The following PHACTR1 variants were observed in gnomAD, a reference collection of about 807,000 sequenced individuals.
PHACTR1 encodes phosphatase and actin regulator 1, also known as RPEL repeat containing 1.
A neutral mutation model predicts 69.2 loss-of-function variants in PHACTR1; 16 were observed. The observed-to-expected ratio is 0.23, with a 90% confidence interval of 0.16 to 0.35. The LOEUF (loss-of-function observed/expected upper bound fraction) is 0.35. Among genes scored for constraint, PHACTR1 ranks in the 10% least tolerant of loss-of-function variants. The pLI, the probability that PHACTR1 is intolerant of heterozygous loss-of-function variation, is 1.00. For missense variants in PHACTR1, 510 were observed against 734.7 expected (o/e 0.69, Z 3.54); for synonymous variants, 312 against 284.5 (o/e 1.10, Z -0.97).
chr6:13,243,538 T>G (rs1773153617), intron 10 of PHACTR1, among the ~76,000 whole-genome samples: 3 of 152,160 alleles, frequency 2.0e-5, no homozygotes, highest in Admixed American at 2.0e-4. Context: ...TGTCACTGTG[T>G]GGACCTTGGG....
At chr6:13,153,025 A>G (rs557461573) in intron 5 of PHACTR1, among the ~76,000 whole-genome samples, 1 of 152,256 alleles carries the variant, frequency 6.6e-6, no homozygotes, top group African/African-American at 2.4e-5. Flanking sequence ...CTGGGAATGT[A>G]CTAGCTCATT....
At chr6:12,796,446 T>C (rs888283687) in intron 4 of PHACTR1, among the ~76,000 whole-genome samples, 2 of 152,230 alleles carry the variant, frequency 1.3e-5, no homozygotes, top group Non-Finnish European at 2.9e-5. Flanking sequence ...ATCAGCATAG[T>C]AATGCTATGC....
At chr6:12,930,291 C>A (rs1399933941) in intron 4 of PHACTR1, among the ~76,000 whole-genome samples, 1 of 152,150 alleles carries the variant, frequency 6.6e-6, no homozygotes, top group Non-Finnish European at 1.5e-5. Context: ...GCAGTCCTCC[C>A]ACCTTGGCCT....
intron 5 of PHACTR1, among the ~76,000 whole-genome samples, chr6:13,117,184 T>G (rs1817944582): frequency 6.6e-6 from 1 of 152,208 alleles, no homozygotes; most frequent in South Asian, 2.1e-4. Flanking sequence ...TTTTCCCCAG[T>G]CTCTTGGATT....
chr6:13,277,512 G>A (rs982846196), intron 11 of PHACTR1, among the ~76,000 whole-genome samples: 2 of 152,144 alleles, frequency 1.3e-5, no homozygotes, highest in Non-Finnish European at 2.9e-5. Context: ...CACCCACAGG[G>A]CACCAGACAC....
chr6:12,729,598 T>G (rs1313742650), intron 3 of PHACTR1, among the ~76,000 whole-genome samples: 2 of 152,116 alleles, frequency 1.3e-5, no homozygotes, highest in African/African-American at 4.8e-5. Flanking sequence ...TCATGGCACG[T>G]GAGGCTGTGC....
At chr6:12,946,357 G>A (rs988593371) in intron 4 of PHACTR1, among the ~76,000 whole-genome samples, 4 of 152,130 alleles carry the variant, frequency 2.6e-5, no homozygotes, top group African/African-American at 9.7e-5. Context: ...CTTTGAGAAA[G>A]GGTGTCATGT....
intron 4 of PHACTR1, among the ~76,000 whole-genome samples, chr6:12,942,488 AC>A (rs1284467501): frequency 3.3e-5 from 5 of 152,160 alleles, no homozygotes; most frequent in African/African-American, 4.8e-5. Context: ...TAGGAGTCAA[AC>A]AACTAGTTTA....
chr6:12,730,893 G>A lies in PHACTR1; in HGVS notation c.103+12046G>A, dbSNP rs569453473. ...AGTTTGGTAAGGATAATGGCCTCTA[G>A]CTCCATCTATGTCCTTGCAAAGGAC... On this transcript the variant is annotated intron_variant, in intron 3 of 14. Transcript: ENST00000332995. 3.3e-5 allele frequency among the ~76,000 whole-genome samples: 5 copies of A among 152,164 alleles called. No homozygotes were observed. In the South Asian group the frequency reaches 1.0e-3, roughly 32 times the overall value.
chr6:12,957,370 C>A (rs944312276), intron 4 of PHACTR1: 1 of 985,278 alleles, frequency 1.0e-6, no homozygotes. Context: ...CAGAAGACTC[C>A]CAGAGATTGG....
At chr6:13,223,882 T>A (rs1769102226) in intron 8 of PHACTR1, among the ~76,000 whole-genome samples, 1 of 152,136 alleles carries the variant, frequency 6.6e-6, no homozygotes, top group African/African-American at 2.4e-5. Flanking sequence ...ACTCTTTCAG[T>A]TATTCATTGA....
chr6:13,215,271 T>G (rs1767495784), intron 8 of PHACTR1, among the ~76,000 whole-genome samples: 1 of 152,194 alleles, frequency 6.6e-6, no homozygotes, highest in Non-Finnish European at 1.5e-5. Flanking sequence ...GCTGGGAGTA[T>G]AGACTGGACA....
At chr6:12,975,272 T>G (rs1037299223) in intron 4 of PHACTR1, among the ~76,000 whole-genome samples, 4 of 152,212 alleles carry the variant, frequency 2.6e-5, no homozygotes, top group African/African-American at 9.6e-5. Flanking sequence ...ACATGCTATC[T>G]CCATGATGGA....
rs1761849277 is a variant in PHACTR1 at position 13,179,380 on chromosome 6, T to C, written c.497-3139T>C. ...TAATTCCTTAGCTTAATGATGGGTA[T>C]ATACAGCCCATTACATTAATGTTTC... On this transcript the variant is annotated intron_variant, in intron 6 of 14. Coordinates refer to ENST00000332995, the MANE Select transcript of PHACTR1 (RefSeq NM_030948.6). The surrounding 1 kb of genome is among the most constrained non-coding windows in gnomAD (Gnocchi z 4.2). Among the ~76,000 whole-genome samples the C allele has an allele frequency of 6.6e-6, 1 of 151,322 alleles. No homozygotes were observed. Among genetic ancestry groups the C allele is most frequent in the South Asian group, 2.1e-4 (1 of 4,796 alleles).
At chr6:13,280,969 G>A in intron 12 of PHACTR1, 1 of 1,289,302 alleles carries the variant, frequency 7.8e-7, no homozygotes, top group South Asian at 1.2e-5. Context: ...GTTAGTGCTG[G>A]GGTCCGTGCA....
chr6:13,211,766 G>A (rs4715159), intron 8 of PHACTR1, among the ~76,000 whole-genome samples: 17,333 of 152,064 alleles, frequency 0.11, 1,367 homozygotes, highest in Admixed American at 0.24. Flanking sequence ...AGCCTCAGTC[G>A]GCCTTGCCTG....
At chr6:13,112,042 C>T (rs1474382677) in intron 5 of PHACTR1, among the ~76,000 whole-genome samples, 2 of 152,138 alleles carry the variant, frequency 1.3e-5, no homozygotes, top group Non-Finnish European at 2.9e-5. Flanking sequence ...CTTCACCCTC[C>T]ATTAGGCCCC....
chr6:13,160,371 T>A (rs1758814422), intron 6 of PHACTR1, 87 bp downstream of exon 6: 1 of 1,146,706 alleles, frequency 8.7e-7, no homozygotes, highest in African/African-American at 1.5e-5. Context: ...TTTCATTTTC[T>A]GCATCACCAG....
chr6:13,124,609 C>G (rs1332618411), intron 5 of PHACTR1, among the ~76,000 whole-genome samples: 1 of 152,142 alleles, frequency 6.6e-6, no homozygotes, highest in East Asian at 1.9e-4. Flanking sequence ...AGACACAAAC[C>G]CATGTTTGTT....
Sources: allele counts gnomAD v4.1 joint callset (sites outside exome capture counted in the v4.1 genomes callset), GRCh38; gene constraint gnomAD v4.1.1; non-coding constraint Gnocchi (gnomAD v3.1); transcripts MANE v1.5; gene names NCBI Gene and HGNC (gene_info 2026-07-23, HGNC 2026-07-21).